The following TTYH1 variants were observed in gnomAD, a reference collection of about 807,000 sequenced individuals.
TTYH1 encodes the protein protein tweety homolog 1.
A neutral mutation model predicts 61.2 loss-of-function variants in TTYH1; 33 were observed. The ratio of observed to expected loss-of-function variants is 0.54; its 90% CI spans 0.41 to 0.72. The LOEUF (loss-of-function observed/expected upper bound fraction) is 0.72. TTYH1 is among the 30% of genes least tolerant of loss of function. The probability of loss-of-function intolerance (pLI) is 0.00; values close to 1 mark genes in which losing one functional copy is unlikely to be tolerated. For missense variants in TTYH1, 538 were observed against 575.8 expected, an observed-to-expected ratio of 0.93 and a Z score of 0.67; for synonymous variants, 308 against 266.4, an observed-to-expected ratio of 1.16 and a Z score of -1.52.
intron 10 of TTYH1, chr19:54,431,574 TG>T: frequency 3.7e-6 from 1 of 268,456 alleles, no homozygotes; most frequent in East Asian, 1.0e-4. Context: ...CAAGACTGCC[TG>T]GGTTCCAGTC....
In TTYH1 at chr19:54,436,242, C is replaced by T. The variant is rs1044920785; in HGVS notation, c.*42+71C>T. 74 of 1,607,334 alleles carry T rather than the reference C, an allele frequency of 4.6e-5. No individual in the cohort carries two copies. The African/African-American group carries it at 9.0e-4, about 19-fold the overall frequency. On this transcript the variant is annotated intron_variant, in intron 13 of 13. Transcript: ENST00000376530. This position sits in a 1 kb window ranked among gnomAD's most constrained non-coding sequence, Gnocchi z 4.3. ...CCCCCTCCCGCCCTCCGAGCTGCTCCAGGCATGGGCTGCGTGCCTCCTGCT... is the reference window on the plus strand; with the variant it reads ...CCCCCTCCCGCCCTCCGAGCTGCTCTAGGCATGGGCTGCGTGCCTCCTGCT...
chr19:54,427,464 C>T (rs548382047), intron 5 of TTYH1, among the ~76,000 whole-genome samples: 28 of 139,280 alleles, frequency 2.0e-4, no homozygotes, highest in Non-Finnish European at 1.6e-4. Flanking sequence ...ATTAGCCGGG[C>T]GTGGTGGCGG....
At chr19:54,431,048 A>G (rs1569265664) in intron 9 of TTYH1, 51 bp from the exon 10 acceptor site, 3 of 1,499,708 alleles carry the variant, frequency 2.0e-6, no homozygotes, top group Non-Finnish European at 2.8e-6. Flanking sequence ...GGCCAGGGCG[A>G]TGGGCGGGCC....
At position 54,416,252 on chromosome 19, in the gene TTYH1, C is replaced by T. The variant is rs959276242; in HGVS notation, c.126+574C>T. 8 of 340,048 alleles carry T rather than the reference C, an allele frequency of 2.4e-5. No homozygotes were observed. The highest frequency in any genetic ancestry group is 1.1e-4 in the Admixed American group (3 of 27,110). 21.1% of individuals were successfully genotyped at this position (340,048 alleles called of 1,614,324 possible). ...TGGGAGAGGAAGCTTCTTGCCCGTC[C>T]CAAGAAAGAAGGGGTGGTCAGGGCG... On this transcript the variant is annotated intron_variant, in intron 1 of 13. Coordinates refer to ENST00000376530, the MANE Select transcript of TTYH1 (RefSeq NM_020659.4). The surrounding 1 kb of genome is among the most constrained non-coding windows in gnomAD (Gnocchi z 7.0).
intron 4 of TTYH1, among the ~76,000 whole-genome samples, chr19:54,425,820 A>G (rs373054946): frequency 6.6e-6 from 1 of 151,692 alleles, no homozygotes; most frequent in African/African-American, 2.4e-5. Context: ...GGTTCAAATG[A>G]TTCTCCTGCC....
rs551392503 is a variant in TTYH1 at position 54,416,419 on chromosome 19, G to A, written c.126+741G>A. On this transcript the variant is annotated intron_variant, in intron 1 of 13. Coordinates refer to ENST00000376530, the MANE Select transcript of TTYH1 (RefSeq NM_020659.4). The surrounding 1 kb of genome is among the most constrained non-coding windows in gnomAD (Gnocchi z 7.0). The stretch of plus-strand genomic sequence containing the variant: ...GGGCCCGGCTCGGGGCAGCTCCAAT[G>A]GGCGAAAGAGCTGTCCCCTGACCCA... 2.5e-3 allele frequency: 665 copies of A among 270,882 alleles called. 6 individuals are homozygous for A. The highest frequency in any genetic ancestry group is 0.01 in the African/African-American group (460 of 44,036). The allele number at this position is 270,882 out of a possible 1,614,324, so 16.8% of individuals were successfully genotyped here. A position where few individuals can be genotyped will look rare whatever the true frequency, so the allele number is the denominator to read the frequency against.
intron 4 of TTYH1, among the ~76,000 whole-genome samples, chr19:54,424,788 C>A (rs1236880486): frequency 6.6e-6 from 1 of 152,196 alleles, no homozygotes. Context: ...GCGGAAGCAG[C>A]CAGAGACCAG....
At chr19:54,432,854 T>C (rs1332377897) in intron 10 of TTYH1, 1 of 152,202 alleles carries the variant, frequency 6.6e-6, no homozygotes, top group Non-Finnish European at 1.5e-5. Flanking sequence ...CAAGAGGGAT[T>C]TGTCTACGCC....
In TTYH1 at chr19:54,416,906, GC is replaced by G; in HGVS notation, c.126+1232del. On this transcript the variant is annotated intron_variant, in intron 1 of 13. Coordinates refer to ENST00000376530, the MANE Select transcript of TTYH1 (RefSeq NM_020659.4). This position sits in a 1 kb window ranked among gnomAD's most constrained non-coding sequence, Gnocchi z 7.0. ...CCGAAGCCGCACGCGGGGATCCGCG[GC>G]CCCAGTCACCGCCAGAGGCACGGGT... 3.1e-6 allele frequency: 4 copies of G among 1,285,716 alleles called. No individual in the cohort carries two copies. The allele number at this position is 1,285,716 out of a possible 1,614,324, so 79.6% of individuals were successfully genotyped here. A position where few individuals can be genotyped will look rare whatever the true frequency, so the allele number is the denominator to read the frequency against.
In TTYH1 at chr19:54,415,661, G is replaced by A. The variant is rs2083060968; in HGVS notation, c.109G>A (p.Glu37Lys). The A allele has an allele frequency of 6.4e-7, 1 of 1,563,992 alleles. No homozygotes were observed. The highest frequency in any genetic ancestry group is 8.6e-7 in the Non-Finnish European group (1 of 1,162,772). The change falls in exon 1 of 14, where the codon GAG becomes AAG. Residue 37 changes from glutamate (E) to lysine (K), a missense_variant. This residue lies in a region of TTYH1 where 157 missense variants were observed against 157.0 expected (regional missense o/e 1.00). Coordinates refer to ENST00000376530, the MANE Select transcript of TTYH1 (RefSeq NM_020659.4). This position sits in a 1 kb window ranked among gnomAD's most constrained non-coding sequence, Gnocchi z 5.2. ...RPVPSVFAPQEQEYQQALLLV... is the reference protein window; with the variant it reads ...RPVPSVFAPQKQEYQQALLLV... ...GGTGCCCAGCGTTTTCGCGCCCCAA[G>A]AGCAGGAATACCAGCAGGTGGGACC...
At position 54,416,241 on chromosome 19, in the gene TTYH1, T is replaced by TCTTGCC. The variant is rs1372697463; in HGVS notation, c.126+565_126+570dup. The stretch of plus-strand genomic sequence containing the variant: ...TGAAGGGGCTCTGGGAGAGGAAGCT[T>TCTTGCC]CTTGCCCGTCCCAAGAAAGAAGGGG... On this transcript the variant is annotated intron_variant, in intron 1 of 13. Coordinates refer to ENST00000376530, the MANE Select transcript of TTYH1 (RefSeq NM_020659.4). The surrounding 1 kb of genome is among the most constrained non-coding windows in gnomAD (Gnocchi z 7.0). The TCTTGCC allele has an allele frequency of 2.8e-6, 1 of 359,008 alleles. No individual in the cohort carries two copies. The highest frequency in any genetic ancestry group is 2.2e-5 in the African/African-American group (1 of 46,138). The allele number at this position is 359,008 out of a possible 1,614,324, so 22.2% of individuals were successfully genotyped here.
chr19:54,429,778 C>A lies in TTYH1; in HGVS notation c.808-104C>A. 1 of 995,658 alleles carries A rather than the reference C, an allele frequency of 1.0e-6. No individual in the cohort carries two copies. The highest frequency in any genetic ancestry group is 1.6e-6 in the Non-Finnish European group (1 of 642,094). 61.7% of individuals were successfully genotyped at this position (995,658 alleles called of 1,614,324 possible). A position where few individuals can be genotyped will look rare whatever the true frequency, so the allele number is the denominator to read the frequency against. ...GAGGGAAGAGGGGCTGGGACCTGGA[C>A]CCCTGGGTGGGGAGGGGAGCTGGGG... On this transcript the variant is annotated intron_variant, in intron 6 of 13. Coordinates refer to ENST00000376530, the MANE Select transcript of TTYH1 (RefSeq NM_020659.4). This position sits in a 1 kb window ranked among gnomAD's most constrained non-coding sequence, Gnocchi z 5.1.
intron 1 of TTYH1, among the ~76,000 whole-genome samples, chr19:54,417,933 C>T (rs1231663001): frequency 6.6e-6 from 1 of 152,028 alleles, no homozygotes; most frequent in Non-Finnish European, 1.5e-5. Context: ...CAGGTGCCCC[C>T]TCATCTCATG....
At position 54,429,288 on chromosome 19, in the gene TTYH1, C is replaced by T. The variant is rs2083386401; in HGVS notation, c.735-19C>T. 2 of 1,612,882 alleles carry T rather than the reference C, an allele frequency of 1.2e-6. No homozygotes were observed. Among genetic ancestry groups the T allele is most frequent in the Non-Finnish European group, 1.7e-6 (2 of 1,178,938 alleles). ...AGGAGATTAAGAACCCCGGGCTGAT[C>T]CTCCCTCCCCCACTCTAGGATGACA... On this transcript the variant is annotated intron_variant, in intron 5 of 13. Coordinates refer to ENST00000376530, the MANE Select transcript of TTYH1 (RefSeq NM_020659.4). This position sits in a 1 kb window ranked among gnomAD's most constrained non-coding sequence, Gnocchi z 5.1.
intron 1 of TTYH1, among the ~76,000 whole-genome samples, 176 bp from the exon 2 acceptor site, chr19:54,418,952 C>T (rs1005498448): frequency 1.3e-5 from 2 of 152,170 alleles, no homozygotes; most frequent in African/African-American, 4.8e-5. Context: ...ACACCTGGAG[C>T]CCCAGCTGCC....
intron 5 of TTYH1, among the ~76,000 whole-genome samples, chr19:54,427,298 C>CAA (rs752663363): frequency 4.6e-4 from 7 of 15,380 alleles, no homozygotes; most frequent in African/African-American, 9.7e-4. Context: ...CACTCCATCT[C>CAA]AAAAAAAAAA....
rs1334972227 is a variant in TTYH1, at chr19:54,415,613, C to A, written c.61C>A (p.Arg21Ser). 6.4e-7 allele frequency: 1 copy of A among 1,560,892 alleles called. No homozygotes were observed. Among genetic ancestry groups the A allele is most frequent in the East Asian group, 2.4e-5 (1 of 41,912 alleles). The change falls in exon 1 of 14, where the codon CGC becomes AGC. Residue 21 changes from arginine (R) to serine (S), a missense_variant. Physicochemically the swap from Arg to Ser is moderately radical, Grantham distance 110. Coordinates refer to ENST00000376530, the MANE Select transcript of TTYH1 (RefSeq NM_020659.4). This position sits in a 1 kb window ranked among gnomAD's most constrained non-coding sequence, Gnocchi z 5.2. ...AWVHLLHQLP[R>S]ADFQLRPVPS... ...GGTGCATCTCCTCCACCAGCTGCCC[C>A]GCGCCGACTTCCAGCTCCGCCCGGT...
rs758789570 is a variant in TTYH1, at chr19:54,416,838, C to G, written c.126+1160C>G. 1 of 1,293,510 alleles carries G rather than the reference C, an allele frequency of 7.7e-7. No individual in the cohort carries two copies. The highest frequency in any genetic ancestry group is 1.2e-5 in the South Asian group (1 of 81,008). 80.1% of individuals were successfully genotyped at this position (1,293,510 alleles called of 1,614,324 possible). Reference sequence around the variant, plus strand: ...TCCAACAACGCCGCTCCACCGGCTCCGGCCTCGGCCCAGACTCACGCCCGC... The same window carrying G: ...TCCAACAACGCCGCTCCACCGGCTCGGGCCTCGGCCCAGACTCACGCCCGC... On this transcript the variant is annotated intron_variant, in intron 1 of 13. Transcript: ENST00000376530. This position sits in a 1 kb window ranked among gnomAD's most constrained non-coding sequence, Gnocchi z 7.0.
intron 5 of TTYH1, 59 bp downstream of exon 5, chr19:54,426,827 C>A (rs2122907367): frequency 3.4e-6 from 5 of 1,477,024 alleles, no homozygotes; most frequent in Non-Finnish European, 4.7e-6. Context: ...GCAGGCAGGA[C>A]CTCAGTCTTA....
Sources: allele counts gnomAD v4.1 joint callset (sites outside exome capture counted in the v4.1 genomes callset), GRCh38; gene constraint gnomAD v4.1.1; regional missense constraint gnomAD v4.1.1; non-coding constraint Gnocchi (gnomAD v3.1); transcripts MANE v1.5; gene names NCBI Gene and HGNC (gene_info 2026-07-23, HGNC 2026-07-21).